Variants in PCDHA5 observed in about 807,000 individuals in gnomAD.
The protein encoded by PCDHA5 is protocadherin alpha-5.
Under a neutral mutation model 61.6 loss-of-function variants are expected in PCDHA5, and 43 were observed. The ratio of observed to expected loss-of-function variants is 0.70; its 90% CI spans 0.55 to 0.90. The LOEUF (loss-of-function observed/expected upper bound fraction) is 0.90. PCDHA5 is among the 40% of genes least tolerant of loss of function. PCDHA5 has a pLI of 0.00. For synonymous variants in PCDHA5, 627 were observed against 543.9 expected, an observed-to-expected ratio of 1.15 and a Z score of -2.13; for missense variants, 1,298 against 1,222.7, an observed-to-expected ratio of 1.06 and a Z score of -0.92.
chr5:140,865,725 A>G (rs1326307411), intron 1 of PCDHA5: 1 of 152,210 alleles, frequency 6.6e-6, no homozygotes, highest in Non-Finnish European at 1.5e-5. Context: ...AGAAGCTGAG[A>G]TGTGTATCTA....
chr5:140,879,125 A>C (rs1251255000), intron 1 of PCDHA5, among the ~76,000 whole-genome samples: 2 of 152,244 alleles, frequency 1.3e-5, no homozygotes, highest in African/African-American at 2.4e-5. Flanking sequence ...GGATTAGAGC[A>C]GGGGAGATTG....
At chr5:140,860,381 A>C (rs550712376) in intron 1 of PCDHA5, 4 of 152,246 alleles carry the variant, frequency 2.6e-5, no homozygotes, top group African/African-American at 9.6e-5. Context: ...ACCCTATTTC[A>C]AAAATTGAAA....
intron 1 of PCDHA5, among the ~76,000 whole-genome samples, chr5:140,832,589 G>A (rs1234557641): frequency 2.6e-5 from 4 of 152,158 alleles, no homozygotes; most frequent in Non-Finnish European, 5.9e-5. Context: ...AGGAAGTAGA[G>A]AACTATAGCG....
chr5:140,855,640 A>G (rs555429613), intron 1 of PCDHA5, among the ~76,000 whole-genome samples: 1 of 150,004 alleles, frequency 6.7e-6, no homozygotes, highest in East Asian at 1.9e-4. Context: ...GCTATTGATA[A>G]TCATGTGGTT....
rs782208845 is a variant in PCDHA5 at position 140,857,288 on chromosome 5, C to G, written c.2352+33161C>G. ...ATTGGTGCTGGACAGCGCTCTGGAC[C>G]GCGAGAGGGTGTCGGCCTATGAGCT... On this transcript the variant is annotated intron_variant, in intron 1 of 3. Transcript: ENST00000529859. 42 of 1,598,652 alleles carry G rather than the reference C, an allele frequency of 2.6e-5. 1 individual carries two copies. The highest frequency in any genetic ancestry group is 3.3e-5 in the Non-Finnish European group (39 of 1,168,028).
intron 1 of PCDHA5, among the ~76,000 whole-genome samples, chr5:140,933,650 CCTGTCTCTCTCT>C (rs1218539002): frequency 2.6e-5 from 4 of 151,890 alleles, no homozygotes; most frequent in South Asian, 2.1e-4. Context: ...AGTTGGAAAT[CCTGTCTCTCTCT>C]CTGTCTCTCT....
chr5:140,921,101 C>T (rs1331761775), intron 1 of PCDHA5, among the ~76,000 whole-genome samples: 3 of 152,002 alleles, frequency 2.0e-5, no homozygotes, highest in African/African-American at 4.8e-5. Context: ...CTGCCTCAGT[C>T]TCCTAAGTAG....
At chr5:140,828,819 A>G (rs140245330) in intron 1 of PCDHA5, 13 of 1,614,106 alleles carry the variant, frequency 8.1e-6, no homozygotes, top group Non-Finnish European at 1.1e-5. Context: ...CCCACTTTCG[A>G]ACAGTCTGAA....
chr5:140,949,798 A>G (rs1021470816), intron 1 of PCDHA5, among the ~76,000 whole-genome samples: 1 of 151,786 alleles, frequency 6.6e-6, no homozygotes, highest in South Asian at 2.1e-4. Context: ...GTGTCCTTCA[A>G]TACATTATTT....
intron 1 of PCDHA5, chr5:140,865,271 T>C (rs1554159342): frequency 6.6e-6 from 1 of 152,236 alleles, no homozygotes; most frequent in East Asian, 1.9e-4. Flanking sequence ...TCAAATTATA[T>C]GTAAAATTAC....
intron 1 of PCDHA5, chr5:140,865,634 A>G (rs2048944722): frequency 6.6e-6 from 1 of 152,218 alleles, no homozygotes; most frequent in Non-Finnish European, 1.5e-5. Context: ...TCATGAAGGG[A>G]CTTAAATACA....
At chr5:140,997,688 G>C (rs1232415745) in intron 3 of PCDHA5, among the ~76,000 whole-genome samples, 1 of 151,990 alleles carries the variant, frequency 6.6e-6, no homozygotes, top group Non-Finnish European at 1.5e-5. Context: ...GTGTGTGTGT[G>C]TGTGTGTGTA....
chr5:140,841,945 C>A (rs1554138662), intron 1 of PCDHA5: 1 of 1,613,782 alleles, frequency 6.2e-7, no homozygotes, highest in African/African-American at 1.3e-5. Flanking sequence ...CTCCTGCGCA[C>A]CACTTATTCC....
intron 1 of PCDHA5, chr5:140,927,616 G>T (rs1228559116): frequency 6.2e-7 from 1 of 1,614,164 alleles, no homozygotes; most frequent in South Asian, 1.1e-5. Flanking sequence ...CCGCACCAAG[G>T]TTCCAGAGAC....
chr5:140,908,270 G>A (rs1554193271), intron 1 of PCDHA5, among the ~76,000 whole-genome samples: 1 of 152,154 alleles, frequency 6.6e-6, no homozygotes, highest in African/African-American at 2.4e-5. Context: ...AACTCCCCAT[G>A]AGGCCATTGT....
chr5:140,897,446 T>G (rs2066114237), intron 1 of PCDHA5, among the ~76,000 whole-genome samples: 1 of 151,576 alleles, frequency 6.6e-6, no homozygotes, highest in South Asian at 2.1e-4. Context: ...GTGTTTGGTT[T>G]TTTGTCCTTG....
At chr5:140,910,451 G>A (rs2075030507) in intron 1 of PCDHA5, among the ~76,000 whole-genome samples, 1 of 152,190 alleles carries the variant, frequency 6.6e-6, no homozygotes. Flanking sequence ...GTAGTTGAGT[G>A]ACTGTGGTTC....
At position 141,010,198 on chromosome 5, in the gene PCDHA5, C is replaced by T; in HGVS notation, c.*261C>T. ...AAAGCAGACCCAAGTTTCCTTTCTC[C>T]TCCGCCGCAAAGGAGAGGCTTCCCA... On this transcript the variant is annotated 3_prime_UTR_variant, in exon 4 of 4. Transcript: ENST00000529859. The T allele has an allele frequency of 6.4e-7, 1 of 1,552,138 alleles. No homozygotes were observed. The highest frequency in any genetic ancestry group is 1.4e-5 in the African/African-American group (1 of 73,154).
At chr5:140,841,733 CA>C in intron 1 of PCDHA5, 1 of 1,613,850 alleles carries the variant, frequency 6.2e-7, no homozygotes, top group Non-Finnish European at 8.5e-7. Flanking sequence ...GGTAAAAGAC[CA>C]AAAGCTGTTT....
Sources: allele counts gnomAD v4.1 joint callset (sites outside exome capture counted in the v4.1 genomes callset), GRCh38; gene constraint gnomAD v4.1.1; transcripts MANE v1.5; gene names NCBI Gene and HGNC (gene_info 2026-07-23, HGNC 2026-07-21).